The following C16orf74 variants were observed in gnomAD, a reference collection of about 807,000 sequenced individuals.
C16orf74 encodes calcimembrin, also known as uncharacterized protein C16orf74.
C16orf74 carries 10 observed loss-of-function variants against 6.5 expected under a neutral mutation model. The ratio of observed to expected loss-of-function variants is 1.54; its 90% CI spans 0.95 to 2.61. C16orf74 has a LOEUF of 2.61. Ranked by LOEUF, C16orf74 falls within the 30% of genes most tolerant of loss-of-function variation. C16orf74 has a pLI of 0.00. For missense variants in C16orf74, 141 were observed against 105.9 expected, an observed-to-expected ratio of 1.33 and a Z score of -1.45; for synonymous variants, 60 against 42.5, an observed-to-expected ratio of 1.41 and a Z score of -1.60.
intron 1 of C16orf74, among the ~76,000 whole-genome samples, chr16:85,736,591 T>A (rs2054247200): frequency 6.6e-6 from 1 of 151,738 alleles, no homozygotes; most frequent in Non-Finnish European, 1.5e-5. Flanking sequence ...CGAGAGATAC[T>A]GATGGGAACA....
intron 2 of C16orf74, among the ~76,000 whole-genome samples, chr16:85,720,349 C>A (rs895530085): frequency 4.6e-5 from 7 of 152,208 alleles, no homozygotes; most frequent in African/African-American, 1.4e-4. Context: ...TGGGCACTGA[C>A]TGCACTTCCT....
At chr16:85,740,183 G>C (rs77110935) in intron 1 of C16orf74, among the ~76,000 whole-genome samples, 1 of 147,198 alleles carries the variant, frequency 6.8e-6, no homozygotes, top group African/African-American at 2.5e-5. Context: ...GCACCCATAG[G>C]CTGGGCGACA....
intron 2 of C16orf74, among the ~76,000 whole-genome samples, chr16:85,727,483 G>C (rs1016207135): frequency 4.6e-5 from 7 of 152,180 alleles, no homozygotes; most frequent in African/African-American, 1.7e-4. Flanking sequence ...AAAATACATG[G>C]GGGAAATCGG....
At position 85,734,943 on chromosome 16, in the gene C16orf74, G is replaced by T. The variant is rs74034066; in HGVS notation, c.28+247C>A. 1.5e-3 allele frequency among the ~76,000 whole-genome samples: 221 copies of T among 152,224 alleles called. 1 individual carries two copies. Among genetic ancestry groups the T allele is most frequent in the African/African-American group, 4.9e-3 (202 of 41,548 alleles). ...CAGCCTGGGATTAGGCACCCTGAGG[G>T]GGAAACTGAGGCCCCAAGGCACTGC... is the stretch of plus-strand genomic sequence containing the variant. On this transcript the variant is annotated intron_variant, in intron 2 of 3. Coordinates refer to ENST00000284245, the MANE Select transcript of C16orf74 (RefSeq NM_206967.3).
At chr16:85,711,423 T>C (rs1461730709) in intron 2 of C16orf74, among the ~76,000 whole-genome samples, 1 of 148,584 alleles carries the variant, frequency 6.7e-6, no homozygotes, top group African/African-American at 2.5e-5. Context: ...GAGACCAGCC[T>C]GACCAACACG....
chr16:85,724,398 C>T (rs1414398448), intron 2 of C16orf74, among the ~76,000 whole-genome samples: 1 of 152,186 alleles, frequency 6.6e-6, no homozygotes, highest in African/African-American at 2.4e-5. Flanking sequence ...GGACTCTGGA[C>T]TTGCTGGGTT....
chr16:85,748,660 A>G (rs1470135655), intron 1 of C16orf74, among the ~76,000 whole-genome samples: 2 of 152,208 alleles, frequency 1.3e-5, no homozygotes, highest in East Asian at 3.9e-4. Context: ...ATAGAAAGGA[A>G]TGTCTGGGTT....
At chr16:85,735,987 C>A (rs774071642) in intron 1 of C16orf74, among the ~76,000 whole-genome samples, 4 of 152,158 alleles carry the variant, frequency 2.6e-5, no homozygotes, top group Non-Finnish European at 4.4e-5. Flanking sequence ...CTGCCCAAGG[C>A]TACCAGCTTA....
At chr16:85,740,641 G>A (rs1480303151) in intron 1 of C16orf74, among the ~76,000 whole-genome samples, 12 of 151,114 alleles carry the variant, frequency 7.9e-5, no homozygotes, top group African/African-American at 2.9e-4. Context: ...GCAGGGAGCC[G>A]AGATCGTGCC....
At chr16:85,727,391 C>T (rs939707957) in intron 2 of C16orf74, among the ~76,000 whole-genome samples, 12 of 152,168 alleles carry the variant, frequency 7.9e-5, no homozygotes, top group Admixed American at 1.3e-4. Flanking sequence ...CCCACAAAAA[C>T]GAGGAGTGTC....
At chr16:85,749,775 G>A (rs995165143) in intron 1 of C16orf74, among the ~76,000 whole-genome samples, 1 of 152,236 alleles carries the variant, frequency 6.6e-6, no homozygotes. Flanking sequence ...ACCTTGGGCT[G>A]GGAAAATACA....
chr16:85,731,981 G>A (rs1422324309), intron 2 of C16orf74, among the ~76,000 whole-genome samples: 2 of 152,338 alleles, frequency 1.3e-5, no homozygotes, highest in South Asian at 2.1e-4. Flanking sequence ...ATGGGCCACC[G>A]TGCAGCCCCG....
intron 1 of C16orf74, among the ~76,000 whole-genome samples, chr16:85,737,004 C>G (rs2054252330): frequency 6.6e-6 from 1 of 151,952 alleles, no homozygotes; most frequent in Non-Finnish European, 1.5e-5. Flanking sequence ...GATCGTGCCA[C>G]TGCACTGCAG....
At chr16:85,737,960 GAT>G (rs1567811282) in intron 1 of C16orf74, among the ~76,000 whole-genome samples, 1 of 114,052 alleles carries the variant, frequency 8.8e-6, no homozygotes, top group Non-Finnish European at 1.8e-5. Flanking sequence ...TTTTTTTTGT[GAT>G]TTTTTTTTTT....
intron 1 of C16orf74, among the ~76,000 whole-genome samples, chr16:85,738,592 A>G (rs1300807857): frequency 2.0e-5 from 3 of 151,688 alleles, no homozygotes; most frequent in Non-Finnish European, 4.4e-5. Context: ...CGGCCTCCCA[A>G]AGTGCTGGGA....
intron 2 of C16orf74, among the ~76,000 whole-genome samples, chr16:85,713,803 G>A (rs1447250332): frequency 6.6e-6 from 1 of 152,186 alleles, no homozygotes; most frequent in Admixed American, 6.5e-5. Flanking sequence ...GATGCTCTGT[G>A]CTGTCACGCA....
chr16:85,714,401 A>ATTAT (rs199601898), intron 2 of C16orf74, among the ~76,000 whole-genome samples: 141 of 141,372 alleles, frequency 1.0e-3, no homozygotes, highest in African/African-American at 2.9e-3. Flanking sequence ...TTATTTATTT[A>ATTAT]TTATTTATTT....
chr16:85,721,740 C>T (rs2054085096), intron 2 of C16orf74, among the ~76,000 whole-genome samples: 1 of 152,186 alleles, frequency 6.6e-6, no homozygotes, highest in Non-Finnish European at 1.5e-5. Flanking sequence ...CTGGCGCTGG[C>T]ACTCCTGGCA....
chr16:85,710,265 T>A lies in C16orf74; in HGVS notation c.71A>T (p.Glu24Val). ...GTGCTTGTCGTTCAGGACGGGGGCC[T>A]CGTCGTGGCTGCTGCTGCTGCTGCT... ...CVSSSSSSHD[E>V]APVLNDKHLD... is the part of the protein sequence containing the mutation. The change falls in exon 3 of 4, where the codon GAG becomes GTG. Residue 24 changes from glutamate (E) to valine (V), a missense_variant. Glu to Val is a moderately radical substitution (Grantham distance 121). Coordinates refer to ENST00000284245, the MANE Select transcript of C16orf74 (RefSeq NM_206967.3). 6.6e-7 allele frequency: 1 copy of A among 1,513,808 alleles called. No individual in the cohort carries two copies. The highest frequency in any genetic ancestry group is 8.8e-7 in the Non-Finnish European group (1 of 1,142,242). 93.8% of individuals were successfully genotyped at this position (1,513,808 alleles called of 1,614,324 possible).
Sources: allele counts gnomAD v4.1 joint callset (sites outside exome capture counted in the v4.1 genomes callset), GRCh38; gene constraint gnomAD v4.1.1; transcripts MANE v1.5; gene names NCBI Gene and HGNC (gene_info 2026-07-23, HGNC 2026-07-21).